The following ARAP2 variants were observed in gnomAD, a reference collection of about 807,000 sequenced individuals.
ARAP2 encodes ArfGAP with RhoGAP domain, ankyrin repeat and PH domain 2.
A neutral mutation model predicts 194.5 loss-of-function variants in ARAP2; 148 were observed. The observed-to-expected ratio is 0.76, with a 90% CI of 0.67 to 0.87. The LOEUF is 0.87. ARAP2 is among the 40% of genes least tolerant of loss of function. The probability of loss-of-function intolerance (pLI) is 0.00; values close to 1 mark genes in which losing one functional copy is unlikely to be tolerated. For synonymous variants in ARAP2, 695 were observed against 683.5 expected (o/e 1.02, Z -0.26); for missense variants, 2,128 against 1,989.7 (o/e 1.07, Z -1.32).
intron 9 of ARAP2, among the ~76,000 whole-genome samples, chr4:36,173,264 G>A (rs762400735): frequency 2.6e-5 from 4 of 152,072 alleles, no homozygotes; most frequent in African/African-American, 7.2e-5. Context: ...CCTCTTGTAC[G>A]CTTGCAGAAA....
At chr4:36,057,825 T>A (rs11935245) in intron 2 of ARAP2, 1 of 151,648 alleles carries the variant, frequency 6.6e-6, no homozygotes, top group African/African-American at 2.4e-5. Context: ...GCTTGATCAT[T>A]TGGGGATTTC....
At chr4:36,103,141 A>G (rs1717463617) in intron 27 of ARAP2, among the ~76,000 whole-genome samples, 1 of 151,822 alleles carries the variant, frequency 6.6e-6, no homozygotes, top group South Asian at 2.1e-4. Context: ...ATTTACTTGA[A>G]GCAGTTGCAT....
chr4:36,097,934 TATTA>T (rs1256200170), intron 27 of ARAP2, among the ~76,000 whole-genome samples: 3 of 152,076 alleles, frequency 2.0e-5, no homozygotes, highest in Non-Finnish European at 4.4e-5. Flanking sequence ...ATCAACTTGT[TATTA>T]ATTTAGAAAA....
intron 5 of ARAP2, among the ~76,000 whole-genome samples, chr4:36,034,887 A>G (rs1355923820): frequency 6.6e-6 from 1 of 152,148 alleles, no homozygotes; most frequent in Admixed American, 6.6e-5. Context: ...GTGATGAATC[A>G]CATTTATTGA....
rs1005910084 is a variant in ARAP2 at position 36,019,737 on chromosome 4, G to A, written n.608-451C>T. ...TATATGAAGAACTGAATTATAGAGT[G>A]TGAAGGTAGGAGTGGTGAGAAATAG... On this transcript the variant is annotated intron_variant and non_coding_transcript_variant, in intron 5 of 12. Transcript: ENST00000503225. 6.6e-5 allele frequency among the ~76,000 whole-genome samples: 10 copies of A among 152,246 alleles called. No homozygotes were observed. The South Asian group carries it at 1.5e-3, about 22-fold the overall frequency.
At chr4:36,185,177 C>T (rs1176552794) in intron 8 of ARAP2, among the ~76,000 whole-genome samples, 3 of 152,210 alleles carry the variant, frequency 2.0e-5, no homozygotes, top group Admixed American at 6.5e-5. Flanking sequence ...TTTACCAAAA[C>T]AGGCACTGAG....
chr4:36,083,481 A>G, intron 28 of ARAP2, 31 bp from the exon 29 acceptor site: 1 of 1,417,506 alleles, frequency 7.1e-7, no homozygotes, highest in Non-Finnish European at 9.7e-7. Context: ...TTGTAATTAA[A>G]TGGATTTACA....
intron 21 of ARAP2, among the ~76,000 whole-genome samples, chr4:36,127,298 T>C (rs1724174794): frequency 6.6e-6 from 1 of 152,084 alleles, no homozygotes; most frequent in South Asian, 2.1e-4. Flanking sequence ...GCTCTGTGTT[T>C]TATATCTTAG....
At chr4:36,049,783 A>T (rs971643875) in intron 3 of ARAP2, among the ~76,000 whole-genome samples, 1 of 152,172 alleles carries the variant, frequency 6.6e-6, no homozygotes, top group Non-Finnish European at 1.5e-5. Context: ...AAAGCCAATA[A>T]ACATGGAGTA....
chr4:36,197,348 T>C (rs930137064), intron 6 of ARAP2, among the ~76,000 whole-genome samples: 2 of 152,228 alleles, frequency 1.3e-5, no homozygotes, highest in Non-Finnish European at 2.9e-5. Flanking sequence ...TATTTTTCAC[T>C]GAAAGATATT....
intron 2 of ARAP2, among the ~76,000 whole-genome samples, chr4:36,054,135 G>A (rs942015714): frequency 1.3e-5 from 2 of 152,026 alleles, no homozygotes; most frequent in Non-Finnish European, 2.9e-5. Context: ...ACTAAAATGC[G>A]CCACTATAAC....
At chr4:36,087,460 G>A (rs542959043) in intron 28 of ARAP2, among the ~76,000 whole-genome samples, 1 of 152,186 alleles carries the variant, frequency 6.6e-6, no homozygotes, top group Non-Finnish European at 1.5e-5. Context: ...AAAGAACACT[G>A]TTTTCAGAGA....
chr4:36,012,311 G>A (rs144102481), intron 9 of ARAP2, among the ~76,000 whole-genome samples: 118 of 152,188 alleles, frequency 7.8e-4, no homozygotes, highest in African/African-American at 2.6e-3. Context: ...CACTTGCTTT[G>A]GTAGAAAACA....
At chr4:36,156,502 G>C (rs1732566979) in intron 15 of ARAP2, among the ~76,000 whole-genome samples, 1 of 119,702 alleles carries the variant, frequency 8.4e-6, no homozygotes, top group Admixed American at 8.5e-5. Context: ...AGGAAGGAAG[G>C]AAGGAGGGAG....
rs1271358385 is a variant in ARAP2 at position 36,055,465 on chromosome 4, G to T, written n.321+2505C>A. ...ATTTCTAACTTGTTCTAAAATAGTT[G>T]TTATATGTCTAATTTCCTGATTCAA... On this transcript the variant is annotated intron_variant and non_coding_transcript_variant, in intron 2 of 12. Coordinates refer to the ARAP2 transcript ENST00000503225. Among the ~76,000 whole-genome samples, 4 of 152,178 alleles carry T rather than the reference G, an allele frequency of 2.6e-5. No homozygotes were observed. The East Asian group carries it at 7.7e-4, about 29-fold the overall frequency.
chr4:36,218,332 G>C (rs917005776), intron 2 of ARAP2, among the ~76,000 whole-genome samples: 6 of 152,082 alleles, frequency 3.9e-5, no homozygotes, highest in African/African-American at 1.4e-4. Flanking sequence ...GGGGAAGTGA[G>C]AGGAAAGAGA....
intron 6 of ARAP2, among the ~76,000 whole-genome samples, chr4:36,206,563 T>A (rs1321758602): frequency 2.0e-5 from 3 of 152,248 alleles, no homozygotes; most frequent in Non-Finnish European, 4.4e-5. Context: ...ATTCAACTGC[T>A]ACCCTCTCCT....
chr4:36,017,094 G>T (rs765367729), intron 6 of ARAP2, among the ~76,000 whole-genome samples: 3 of 138,588 alleles, frequency 2.2e-5, no homozygotes, highest in Non-Finnish European at 4.7e-5. Context: ...AGCACATAAA[G>T]AGACAGTTGA....
At chr4:36,225,771 G>A (rs1201822331) in intron 2 of ARAP2, among the ~76,000 whole-genome samples, 3 of 152,086 alleles carry the variant, frequency 2.0e-5, no homozygotes, top group African/African-American at 4.8e-5. Context: ...ACATTCCTTT[G>A]AGCAGCTGTA....
Sources: gnomAD v4.1 joint callset for allele counts (sites outside exome capture counted in the v4.1 genomes callset) on GRCh38, gnomAD v4.1.1 for gene constraint, MANE v1.5 for transcripts, NCBI Gene and HGNC (gene_info 2026-07-23, HGNC 2026-07-21) for gene names.